EIF4ENIF1: variants seen among roughly 807,000 people sequenced by gnomAD.
EIF4ENIF1 encodes the protein eukaryotic translation initiation factor 4E nuclear import factor 1.
Under a neutral mutation model 110.5 loss-of-function variants are expected in EIF4ENIF1, and 23 were observed. The ratio of observed to expected loss-of-function variants is 0.21; its 90% CI spans 0.15 to 0.29. EIF4ENIF1 has a LOEUF of 0.29. Ranked by LOEUF, EIF4ENIF1 falls within the 10% of genes least tolerant of loss-of-function variation. The pLI is 1.00. For missense variants in EIF4ENIF1, 1,031 were observed against 1,221.1 expected, an observed-to-expected ratio of 0.84 and a Z score of 2.32; for synonymous variants, 440 against 437.0, an observed-to-expected ratio of 1.01 and a Z score of -0.09.
intron 2 of EIF4ENIF1, 72 bp downstream of exon 2, chr22:31,488,551 T>G: frequency 1.3e-6 from 2 of 1,589,820 alleles, no homozygotes; most frequent in East Asian, 2.2e-5. Context: ...TTAATAGGAA[T>G]GAAATAGTTA....
intron 14 of EIF4ENIF1, chr22:31,446,872 T>G: frequency 6.9e-6 from 2 of 291,448 alleles, no homozygotes; most frequent in South Asian, 6.4e-5. Context: ...TACCATTTGT[T>G]GCAACTATCG....
chr22:31,466,642 T>TGGG (rs59271217), intron 4 of EIF4ENIF1, among the ~76,000 whole-genome samples: 2,152 of 55,530 alleles, frequency 0.039, 65 homozygotes, highest in Admixed American at 0.14. Flanking sequence ...GGAAGTGTTG[T>TGGG]GGGGGGGGCA....
intron 4 of EIF4ENIF1, among the ~76,000 whole-genome samples, chr22:31,466,474 C>G (rs1023845213): frequency 2.7e-5 from 4 of 150,912 alleles, no homozygotes; most frequent in Admixed American, 2.6e-4. Context: ...CCCAGCTACT[C>G]AGGAAGCTGA....
rs761080848 is a variant in EIF4ENIF1, at chr22:31,440,694, C to T, written c.2716+10G>A. The T allele has an allele frequency of 1.2e-6, 2 of 1,612,572 alleles. No homozygotes were observed. The highest frequency in any genetic ancestry group is 2.2e-5 in the East Asian group (1 of 44,870). On this transcript the variant is annotated intron_variant, in intron 18 of 18. Coordinates refer to ENST00000330125, the MANE Select transcript of EIF4ENIF1 (RefSeq NM_019843.4). ...CGTCCCAAACTCACCTGTCACATTCCTGAACCTACCTGAGCGCTGTAGCTG... is the reference window on the plus strand; with the variant it reads ...CGTCCCAAACTCACCTGTCACATTCTTGAACCTACCTGAGCGCTGTAGCTG...
chr22:31,468,436 C>T, intron 3 of EIF4ENIF1, 134 bp from the exon 4 acceptor site: 1 of 1,287,074 alleles, frequency 7.8e-7, no homozygotes, highest in Non-Finnish European at 1.1e-6. Flanking sequence ...GCTCTGTCGC[C>T]CAGGATGGAG....
chr22:31,450,705 C>A, intron 10 of EIF4ENIF1: 1 of 296,428 alleles, frequency 3.4e-6, no homozygotes. Flanking sequence ...TTACCTTTAA[C>A]AAGATTTATT....
chr22:31,455,499 A>G (rs2050787718), intron 8 of EIF4ENIF1, among the ~76,000 whole-genome samples, 184 bp from the exon 9 acceptor site: 1 of 151,496 alleles, frequency 6.6e-6, no homozygotes, highest in South Asian at 2.1e-4. Context: ...GCCAGTTTCA[A>G]GCGATTCTCC....
intron 14 of EIF4ENIF1, among the ~76,000 whole-genome samples, chr22:31,446,038 C>T (rs1357840425): frequency 6.7e-6 from 1 of 148,246 alleles, no homozygotes; most frequent in African/African-American, 2.5e-5. Context: ...GCCTGTAATC[C>T]CAGCACTTTG....
chr22:31,454,099 A>G lies in EIF4ENIF1; in HGVS notation c.1512+45T>C, dbSNP rs577245431. ...CTTTTATTGTGGTGGGAAAAAGAAGAAAAAAAAAGGAGAAAAGGGTGGGGG... is the reference window on the plus strand; with the variant it reads ...CTTTTATTGTGGTGGGAAAAAGAAGGAAAAAAAAGGAGAAAAGGGTGGGGG... On this transcript the variant is annotated intron_variant, in intron 10 of 18. Transcript: ENST00000330125. 17 of 1,493,906 alleles carry G rather than the reference A, an allele frequency of 1.1e-5. No homozygotes were observed. In the Admixed American group the frequency reaches 1.5e-4, roughly 13 times the overall value. 92.5% of individuals were successfully genotyped at this position (1,493,906 alleles called of 1,614,324 possible).
intron 3 of EIF4ENIF1, among the ~76,000 whole-genome samples, chr22:31,469,093 A>T (rs2051281704): frequency 1.3e-5 from 2 of 152,250 alleles, no homozygotes; most frequent in South Asian, 4.2e-4. Context: ...ACGACCTAAA[A>T]TGTGTAGTTT....
At chr22:31,443,743 T>C (rs2050376092) in intron 15 of EIF4ENIF1, among the ~76,000 whole-genome samples, 1 of 144,478 alleles carries the variant, frequency 6.9e-6, no homozygotes, top group Non-Finnish European at 1.5e-5. Flanking sequence ...AGCAAAGTTA[T>C]TTTTTTTTTT....
Position 31,477,189 on chromosome 22 carries a change from C to A in EIF4ENIF1, c.97-5272G>T, listed in dbSNP as rs2051607350. Reference sequence around the variant, plus strand: ...GACCAGCATGGCCAACATAGCAAAACCCTGTCTCTACTAAAAATTAAAAAA... The same window carrying A: ...GACCAGCATGGCCAACATAGCAAAAACCTGTCTCTACTAAAAATTAAAAAA... On this transcript the variant is annotated intron_variant, in intron 2 of 18. Transcript: ENST00000330125. 2.0e-5 allele frequency among the ~76,000 whole-genome samples: 3 copies of A among 151,082 alleles called. No homozygotes were observed. The South Asian group carries it at 6.3e-4, about 32-fold the overall frequency.
At chr22:31,466,155 G>C (rs1264958423) in intron 4 of EIF4ENIF1, among the ~76,000 whole-genome samples, 1 of 152,156 alleles carries the variant, frequency 6.6e-6, no homozygotes, top group Non-Finnish European at 1.5e-5. Context: ...ACTCATGCCT[G>C]TGATCCCAGC....
intron 18 of EIF4ENIF1, 96 bp downstream of exon 18, chr22:31,440,608 T>A (rs2145885041): frequency 7.1e-7 from 1 of 1,405,168 alleles, no homozygotes; most frequent in Non-Finnish European, 9.7e-7. Flanking sequence ...AGTTAAAGAA[T>A]GAAAGTGTTA....
At position 31,454,381 on chromosome 22, in the gene EIF4ENIF1, G is replaced by C; in HGVS notation, c.1280-5C>G. The C allele has an allele frequency of 1.2e-6, 2 of 1,613,020 alleles. No homozygotes were observed. Among genetic ancestry groups the C allele is most frequent in the Non-Finnish European group, 1.7e-6 (2 of 1,179,178 alleles). The stretch of plus-strand genomic sequence containing the variant: ...AAAGCACAACCCCTGAATGTGCTGA[G>C]AAGTTGAGAACGTCCAGGTTAAATC... On this transcript the variant is annotated splice_polypyrimidine_tract_variant and splice_region_variant and intron_variant, in intron 9 of 18. Transcript: ENST00000330125.
intron 2 of EIF4ENIF1, among the ~76,000 whole-genome samples, chr22:31,487,566 G>T (rs990737100): frequency 3.3e-5 from 5 of 152,148 alleles, no homozygotes; most frequent in African/African-American, 1.2e-4. Flanking sequence ...GGAGGCCAAG[G>T]TGGGCGGATT....
chr22:31,447,361 A>G (rs1017378666), intron 14 of EIF4ENIF1, 65 bp downstream of exon 14: 2 of 1,589,168 alleles, frequency 1.3e-6, no homozygotes, highest in African/African-American at 1.4e-5. Flanking sequence ...ACTGCAGATA[A>G]GTAATTTATT....
intron 2 of EIF4ENIF1, among the ~76,000 whole-genome samples, chr22:31,476,240 A>C (rs537638586): frequency 1.3e-5 from 2 of 152,284 alleles, no homozygotes; most frequent in South Asian, 2.1e-4. Context: ...TTCACGCTTA[A>C]ATGTGTAAAT....
rs184960358 is a variant in EIF4ENIF1, at chr22:31,440,645, C to A, written c.2716+59G>T. The A allele has an allele frequency of 1.9e-6, 3 of 1,557,606 alleles. No homozygotes were observed. The Admixed American group carries it at 6.2e-5, about 32-fold the overall frequency. ...TTCATCTCCACTGGAAACTAGTCCT[C>A]AAAGCTTCAAGACTCCCTAAGTCCG... On this transcript the variant is annotated intron_variant, in intron 18 of 18. Transcript: ENST00000330125.
Sources: gnomAD v4.1 joint callset for allele counts (sites outside exome capture counted in the v4.1 genomes callset) on GRCh38, gnomAD v4.1.1 for gene constraint, MANE v1.5 for transcripts, NCBI Gene and HGNC (gene_info 2026-07-23, HGNC 2026-07-21) for gene names.